Variants in MSI1 observed in about 807,000 individuals in gnomAD.
The protein encoded by MSI1 is RNA-binding protein Musashi homolog 1.
A neutral mutation model predicts 54.4 loss-of-function variants in MSI1; 15 were observed. That is an observed-to-expected ratio of 0.28 (90% CI 0.18 to 0.42). MSI1 has a LOEUF of 0.42. MSI1 is among the 20% of genes least tolerant of loss of function. The pLI is 1.00. For missense variants in MSI1, 304 were observed against 506.0 expected (o/e 0.60, Z 3.83); for synonymous variants, 200 against 196.5 (o/e 1.02, Z -0.15).
intron 5 of MSI1, among the ~76,000 whole-genome samples, 197 bp downstream of exon 5, chr12:120,364,517 C>A (rs2136985057): frequency 6.6e-6 from 1 of 152,202 alleles, no homozygotes; most frequent in South Asian, 2.1e-4. Context: ...CACCCCAGAG[C>A]TCACGTGGAA....
chr12:120,366,816 A>G (rs1876047439), intron 4 of MSI1, among the ~76,000 whole-genome samples: 1 of 151,778 alleles, frequency 6.6e-6, no homozygotes, highest in South Asian at 2.1e-4. Context: ...CTTCCCCTTT[A>G]TCAATCTTCC....
intron 5 of MSI1, among the ~76,000 whole-genome samples, chr12:120,364,092 C>T (rs914894841): frequency 3.3e-5 from 5 of 152,246 alleles, no homozygotes; most frequent in African/African-American, 9.6e-5. Flanking sequence ...TAGGCCCCTG[C>T]CCTGCACCAA....
chr12:120,360,449 A>G (rs1200650273), intron 6 of MSI1, among the ~76,000 whole-genome samples: 2 of 152,194 alleles, frequency 1.3e-5, no homozygotes, highest in Non-Finnish European at 2.9e-5. Flanking sequence ...GGAGAATCTC[A>G]TGACATCTCT....
At chr12:120,357,737 C>T (rs1875259162) in intron 8 of MSI1, 79 bp downstream of exon 8, 10 of 1,378,878 alleles carry the variant, frequency 7.3e-6, no homozygotes, top group Non-Finnish European at 1.0e-5. Context: ...AACTCCTGAC[C>T]TCATGTAATC....
chr12:120,359,117 CA>C (rs1455356967), intron 6 of MSI1, 64 bp from the exon 7 acceptor site: 3 of 1,545,136 alleles, frequency 1.9e-6, no homozygotes, highest in Non-Finnish European at 8.8e-7. Context: ...CACCAAGGAA[CA>C]GGGGCTCTGG....
Position 120,368,198 on chromosome 12 carries a change from C to T in MSI1, c.176G>A (p.Arg59Lys), listed in dbSNP as rs1206220387. 6.3e-7 allele frequency: 1 copy of T among 1,584,198 alleles called. No homozygotes were observed. Among genetic ancestry groups the T allele is most frequent in the Non-Finnish European group, 8.6e-7 (1 of 1,164,512 alleles). The change falls in exon 3 of 15, where the codon AGA (arginine) becomes AAA (lysine). Residue 59 changes from arginine (R) to lysine (K), a missense_variant. Arg to Lys is a conservative substitution (Grantham distance 26). Around this residue, in one of 4 missense-constraint regions of MSI1, gnomAD observed 105 missense variants for 230.1 expected, o/e 0.46. Transcript: ENST00000257552. This position sits in a 1 kb window ranked among gnomAD's most constrained non-coding sequence, Gnocchi z 6.6. ...CLVMRDPLTK[R>K]SRGFGFVTFM... ...GAGGGGGTGAGGGGCTCACCTGGATCTCTTGGTCAGGGGGTCCCGCATCAC... is the reference window on the plus strand; with the variant it reads ...GAGGGGGTGAGGGGCTCACCTGGATTTCTTGGTCAGGGGGTCCCGCATCAC...
At position 120,342,745 on chromosome 12, in the gene MSI1, C is replaced by T. The variant is rs1873780097; in HGVS notation, c.*382G>A. The stretch of plus-strand genomic sequence containing the variant: ...GCTGCGGCCTGTAGCAGGCTCCCTC[C>T]GCCTTCACTCCAGCTATGCACAAAT... On this transcript the variant is annotated 3_prime_UTR_variant, in exon 15 of 15. Transcript: ENST00000257552. 6.6e-6 allele frequency: 1 copy of T among 150,708 alleles called. No homozygotes were observed. The highest frequency in any genetic ancestry group is 1.5e-5 in the Non-Finnish European group (1 of 67,768). 9.3% of individuals were successfully genotyped at this position (150,708 alleles called of 1,614,324 possible). A position where few individuals can be genotyped will look rare whatever the true frequency, so the allele number is the denominator to read the frequency against.
At chr12:120,358,429 A>G (rs1179443) in intron 7 of MSI1, among the ~76,000 whole-genome samples, 110,184 of 152,086 alleles carry the variant, frequency 0.72, 40,139 homozygotes, top group South Asian at 0.79. Context: ...CACACACAGA[A>G]CACATACCCC....
Position 120,341,731 on chromosome 12 carries a change from T to TA in MSI1, c.*1395dup, listed in dbSNP as rs1873682699. 1 of 151,060 alleles carries TA rather than the reference T, an allele frequency of 6.6e-6. No homozygotes were observed. Among genetic ancestry groups the TA allele is most frequent in the East Asian group, 2.0e-4 (1 of 5,116 alleles). The allele number at this position is 151,060 out of a possible 1,614,324, so 9.4% of individuals were successfully genotyped here. A position where few individuals can be genotyped will look rare whatever the true frequency, so the allele number is the denominator to read the frequency against. The stretch of plus-strand genomic sequence containing the variant: ...TATTGCTTTGTGTTCTCAGGGCTGA[T>TA]AGGTTAAGCACCTCACACAGACAAT... On this transcript the variant is annotated 3_prime_UTR_variant, in exon 15 of 15. Transcript: ENST00000257552.
chr12:120,356,953 G>A lies in MSI1; in HGVS notation c.601C>T (p.Arg201Ter). The A allele has an allele frequency of 6.2e-7, 1 of 1,614,214 alleles. No homozygotes were observed. The highest frequency in any genetic ancestry group is 8.5e-7 in the Non-Finnish European group (1 of 1,180,038). The change falls in exon 9 of 15, where the codon CGA becomes TGA. Residue 201 changes from arginine to a stop codon, truncating the protein, a stop_gained. Coordinates refer to ENST00000257552, the MANE Select transcript of MSI1 (RefSeq NM_002442.4). LOFTEE classifies it high-confidence loss of function. The part of the protein sequence containing the change: ...SPTGSARGRS[R>*]VMPYGMDAFM... ...GCGTCCATTCCGTAGGGCATGACTC[G>A]AGACCTCCCCCGGGCTGAGCCCGTT...
At chr12:120,363,278 T>G in intron 5 of MSI1, 143 bp from the exon 6 acceptor site, 7 of 519,680 alleles carry the variant, frequency 1.3e-5, no homozygotes, top group East Asian at 6.8e-5. Flanking sequence ...CCCCGCAAGC[T>G]CCCTCTTGGA....
chr12:120,351,951 G>T (rs542561136), intron 10 of MSI1, among the ~76,000 whole-genome samples: 1 of 148,188 alleles, frequency 6.7e-6, no homozygotes, highest in African/African-American at 2.5e-5. Flanking sequence ...CTCGTGATCC[G>T]CCCGTCTTGG....
intron 9 of MSI1, among the ~76,000 whole-genome samples, chr12:120,355,278 G>T (rs918184041): frequency 1.3e-4 from 19 of 151,584 alleles, no homozygotes; most frequent in African/African-American, 3.9e-4. Context: ...GGTGGCGGGC[G>T]CCTGTAGTCC....
intron 4 of MSI1, among the ~76,000 whole-genome samples, chr12:120,367,324 C>A (rs1042998145): frequency 6.6e-6 from 1 of 152,172 alleles, no homozygotes; most frequent in African/African-American, 2.4e-5. Flanking sequence ...CTGGAGCCAG[C>A]GCCCCCTGCA....
At chr12:120,362,287 A>G (rs867703922) in intron 6 of MSI1, among the ~76,000 whole-genome samples, 9 of 151,958 alleles carry the variant, frequency 5.9e-5, no homozygotes, top group South Asian at 4.2e-4. Flanking sequence ...AAAAGAAGAA[A>G]GACCAGGGAC....
chr12:120,368,365 G>A lies in MSI1; in HGVS notation c.101-92C>T. On this transcript the variant is annotated intron_variant, in intron 2 of 14. Transcript: ENST00000257552. This position sits in a 1 kb window ranked among gnomAD's most constrained non-coding sequence, Gnocchi z 6.6. The stretch of plus-strand genomic sequence containing the variant: ...CCCCCGGTGACCCCGGAGCGGCCCG[G>A]CCGCCCCCGCGCCAAGCTGCCCGCG... The A allele has an allele frequency of 7.4e-6, 10 of 1,353,268 alleles. No individual in the cohort carries two copies. The highest frequency in any genetic ancestry group is 5.5e-5 in the South Asian group (4 of 73,120). 83.8% of individuals were successfully genotyped at this position (1,353,268 alleles called of 1,614,324 possible).
At chr12:120,364,294 G>C (rs1875880937) in intron 5 of MSI1, among the ~76,000 whole-genome samples, 2 of 152,102 alleles carry the variant, frequency 1.3e-5, no homozygotes, top group Admixed American at 1.3e-4. Context: ...GGTGACTGGG[G>C]GGATCCAAGG....
intron 4 of MSI1, among the ~76,000 whole-genome samples, chr12:120,365,071 C>T (rs1438319242): frequency 6.6e-6 from 1 of 152,134 alleles, no homozygotes; most frequent in Non-Finnish European, 1.5e-5. Flanking sequence ...CCACCACACC[C>T]AGCTAATTTT....
rs1245868757 is a variant in MSI1 at position 120,358,004 on chromosome 12, AGAGTTAATGAAAGGCTCTGC to A, written c.452-126_452-107del. On this transcript the variant is annotated intron_variant, in intron 7 of 14. Transcript: ENST00000257552. ...CCCGCTCCTCTCTCTCTGGCGAGTG[AGAGTTAATGAAAGGCTCTGC>A]TCACAGCCTGGAATCCTCTCAACTA... The A allele has an allele frequency of 3.3e-6, 3 of 922,852 alleles. No individual in the cohort carries two copies. The African/African-American group carries it at 5.0e-5, about 15-fold the overall frequency. The allele number at this position is 922,852 out of a possible 1,614,324, so 57.2% of individuals were successfully genotyped here. A position where few individuals can be genotyped will look rare whatever the true frequency, so the allele number is the denominator to read the frequency against.
Sources: gnomAD v4.1 joint callset for allele counts (sites outside exome capture counted in the v4.1 genomes callset) on GRCh38, gnomAD v4.1.1 for gene constraint, gnomAD v4.1.1 regional missense constraint, Gnocchi (gnomAD v3.1) non-coding constraint, MANE v1.5 for transcripts, NCBI Gene and HGNC (gene_info 2026-07-23, HGNC 2026-07-21) for gene names.